The following HECW2 variants were observed in gnomAD, a reference collection of about 807,000 sequenced individuals.
The protein encoded by HECW2 is E3 ubiquitin-protein ligase HECW2.
In HECW2, 61 loss-of-function variants were observed where a neutral mutation model predicts 175.2. The observed-to-expected ratio is 0.35, with a 90% CI of 0.28 to 0.43. The LOEUF (loss-of-function observed/expected upper bound fraction) is 0.43, where lower values mean the gene tolerates loss of function less well. Ranked by LOEUF, HECW2 falls within the 20% of genes least tolerant of loss-of-function variation. The probability of loss-of-function intolerance (pLI) is 1.00; values close to 1 mark genes in which losing one functional copy is unlikely to be tolerated. For missense variants in HECW2, 1,524 were observed against 2,000.5 expected, an observed-to-expected ratio of 0.76 and a Z score of 4.54; for synonymous variants, 671 against 731.0, an observed-to-expected ratio of 0.92 and a Z score of 1.32.
At chr2:196,219,617 T>C (rs890448648) in intron 26 of HECW2, among the ~76,000 whole-genome samples, 3 of 152,232 alleles carry the variant, frequency 2.0e-5, no homozygotes, top group Admixed American at 2.0e-4. Context: ...TTACAACTGA[T>C]AAGGAGCGTA....
At chr2:196,545,467 A>C (rs1271777280) in intron 1 of HECW2, among the ~76,000 whole-genome samples, 1 of 152,364 alleles carries the variant, frequency 6.6e-6, no homozygotes, top group East Asian at 1.9e-4. Flanking sequence ...GCAAACAAAA[A>C]GTCCTGATTA....
chr2:196,373,026 T>C (rs907685712), intron 2 of HECW2, among the ~76,000 whole-genome samples: 1 of 152,236 alleles, frequency 6.6e-6, no homozygotes, highest in African/African-American at 2.4e-5. Flanking sequence ...GCACACGACC[T>C]GGTGCAGAGT....
chr2:196,292,764 T>C lies in HECW2; in HGVS notation c.2815-14A>G, dbSNP rs1176159618. Reference sequence around the variant, plus strand: ...GCGGTAGGCACTCTAAAGAAAAGAATGGAGAACCAATGTTAACCCACTTGT... The same window carrying C: ...GCGGTAGGCACTCTAAAGAAAAGAACGGAGAACCAATGTTAACCCACTTGT... On this transcript the variant is annotated splice_polypyrimidine_tract_variant and intron_variant, in intron 13 of 28. Coordinates refer to ENST00000644978, the MANE Select transcript of HECW2 (RefSeq NM_001348768.2). 10 of 1,602,884 alleles carry C rather than the reference T, an allele frequency of 6.2e-6. No individual in the cohort carries two copies. Among genetic ancestry groups the C allele is most frequent in the South Asian group, 3.3e-5 (3 of 90,450 alleles).
chr2:196,532,171 G>T (rs1006525257), intron 1 of HECW2, among the ~76,000 whole-genome samples: 3 of 152,124 alleles, frequency 2.0e-5, no homozygotes, highest in Non-Finnish European at 2.9e-5. Flanking sequence ...ATAAAGGCAC[G>T]TGCATATGTA....
rs770538820 is a variant in HECW2, at chr2:196,322,615, A to G, written c.747T>C (p.Tyr249=). Residue 249 remains tyrosine, a synonymous_variant, in exon 7 of 29, where the codon TAT becomes TAC. Transcript: ENST00000644978. ...TTNPIWHREK[Y]SFFALLTDVL... is the part of the protein sequence containing the mutation. ...CATCAGTAAGAAGTGCAAAAAAGGA[A>G]TATTTCTGAAAACACAAACAGATAA... 3.1e-6 allele frequency: 5 copies of G among 1,611,810 alleles called. No individual in the cohort carries two copies. The highest frequency in any genetic ancestry group is 2.5e-6 in the Non-Finnish European group (3 of 1,178,398).
intron 2 of HECW2, among the ~76,000 whole-genome samples, chr2:196,391,933 G>A (rs1694523925): frequency 6.6e-6 from 1 of 152,120 alleles, no homozygotes; most frequent in South Asian, 2.1e-4. Flanking sequence ...TCTTCTCTGT[G>A]TCTTTCTCTT....
At chr2:196,314,266 C>A (rs1340232006) in intron 10 of HECW2, among the ~76,000 whole-genome samples, 2 of 152,246 alleles carry the variant, frequency 1.3e-5, no homozygotes, top group East Asian at 3.8e-4. Flanking sequence ...AGCTGAGCAC[C>A]TTTTGAGTCT....
chr2:196,281,526 G>A (rs1162407257), intron 14 of HECW2, among the ~76,000 whole-genome samples: 1 of 151,020 alleles, frequency 6.6e-6, no homozygotes, highest in African/African-American at 2.4e-5. Flanking sequence ...TGTAGTCCCA[G>A]CTACTTGGGA....
chr2:196,336,457 T>A (rs1215936422), intron 3 of HECW2, among the ~76,000 whole-genome samples: 2 of 152,116 alleles, frequency 1.3e-5, no homozygotes, highest in African/African-American at 4.8e-5. Context: ...GAAGCAAACA[T>A]CCGTGGCTCT....
intron 1 of HECW2, among the ~76,000 whole-genome samples, chr2:196,456,035 TACCCCTATACTCCCACACCCTG>T (rs774355318): frequency 1.3e-5 from 2 of 152,084 alleles, no homozygotes; most frequent in Non-Finnish European, 2.9e-5. Flanking sequence ...TCACAATTCA[TACCCCTATACTCCCACACCCTG>T]AGAAGGCATA....
At chr2:196,274,484 C>T (rs77292499) in intron 15 of HECW2, among the ~76,000 whole-genome samples, 3,329 of 152,276 alleles carry the variant, frequency 0.022, 122 homozygotes, top group East Asian at 0.16. Flanking sequence ...TGCAACAACA[C>T]AATCAAAGGG....
intron 1 of HECW2, among the ~76,000 whole-genome samples, chr2:196,472,481 CAAAAAAAA>C (rs538116476): frequency 9.8e-5 from 7 of 71,378 alleles, no homozygotes; most frequent in Admixed American, 4.8e-4. Context: ...GAGACTCCGT[CAAAAAAAA>C]AAAAAAAAAA....
chr2:196,585,209 A>G (rs1690931536), intron 1 of HECW2, among the ~76,000 whole-genome samples: 1 of 152,202 alleles, frequency 6.6e-6, no homozygotes, highest in South Asian at 2.1e-4. Flanking sequence ...TTATTTATTC[A>G]TATATGTGTG....
chr2:196,467,274 CT>C, intron 1 of HECW2, among the ~76,000 whole-genome samples: 1 of 152,278 alleles, frequency 6.6e-6, no homozygotes, highest in East Asian at 1.9e-4. Flanking sequence ...TCCTCCTTAT[CT>C]TTGCACCTTA....
chr2:196,574,813 A>G (rs908633683), intron 1 of HECW2, among the ~76,000 whole-genome samples: 2 of 152,230 alleles, frequency 1.3e-5, no homozygotes, highest in Non-Finnish European at 1.5e-5. Flanking sequence ...GTATGGTACC[A>G]GCATAAAAAA....
At chr2:196,389,489 G>T (rs1343748197) in intron 2 of HECW2, among the ~76,000 whole-genome samples, 1 of 152,146 alleles carries the variant, frequency 6.6e-6, no homozygotes, top group Non-Finnish European at 1.5e-5. Flanking sequence ...GAAGCCCTCT[G>T]CCTTCTACGG....
intron 1 of HECW2, among the ~76,000 whole-genome samples, chr2:196,452,887 C>T (rs1696388753): frequency 6.6e-6 from 1 of 151,498 alleles, no homozygotes; most frequent in Non-Finnish European, 1.5e-5. Flanking sequence ...ATAAGATAAT[C>T]TTCTAATTTG....
intron 2 of HECW2, among the ~76,000 whole-genome samples, chr2:196,358,892 A>G (rs1408502943): frequency 1.3e-5 from 2 of 152,204 alleles, no homozygotes; most frequent in Non-Finnish European, 2.9e-5. Flanking sequence ...ATAGCACAGT[A>G]TCTCACATGT....
At chr2:196,577,107 T>C (rs982399589) in intron 1 of HECW2, among the ~76,000 whole-genome samples, 18 of 152,206 alleles carry the variant, frequency 1.2e-4, no homozygotes, top group African/African-American at 3.9e-4. Context: ...TAGAACTTAT[T>C]AGGGACATAT....
Sources: allele counts gnomAD v4.1 joint callset (sites outside exome capture counted in the v4.1 genomes callset), GRCh38; gene constraint gnomAD v4.1.1; transcripts MANE v1.5; gene names NCBI Gene and HGNC (gene_info 2026-07-23, HGNC 2026-07-21).